Variants in NOX4 observed in about 807,000 individuals in gnomAD.
The protein encoded by NOX4 is kidney oxidase-1.
In NOX4, 69 loss-of-function variants were observed where a neutral mutation model predicts 87.6. The ratio of observed to expected loss-of-function variants is 0.79; its 90% CI spans 0.65 to 0.96. The LOEUF (loss-of-function observed/expected upper bound fraction) is 0.96. Ranked by LOEUF, NOX4 falls within the 40% of genes least tolerant of loss-of-function variation. NOX4 has a pLI of 0.00. For synonymous variants in NOX4, 275 were observed against 238.2 expected, an observed-to-expected ratio of 1.15 and a Z score of -1.42; for missense variants, 680 against 681.5, an observed-to-expected ratio of 1.00 and a Z score of 0.02.
intron 7 of NOX4, among the ~76,000 whole-genome samples, chr11:89,426,504 A>G (rs1274033825): frequency 1.3e-5 from 2 of 152,152 alleles, no homozygotes; most frequent in East Asian, 3.9e-4. Context: ...GGCACCTGGA[A>G]AATTGGGTCA....
intron 11 of NOX4, among the ~76,000 whole-genome samples, chr11:89,387,120 C>A (rs1385697133): frequency 1.9e-4 from 29 of 152,042 alleles, no homozygotes; most frequent in Admixed American, 1.6e-3. Context: ...ATACCACCCC[C>A]AAAAATTTTC....
chr11:89,325,411 A>C lies in NOX4; in HGVS notation c.*1345T>G, dbSNP rs764720634. On this transcript the variant is annotated 3_prime_UTR_variant, in exon 18 of 18. Coordinates refer to ENST00000263317, the MANE Select transcript of NOX4 (RefSeq NM_016931.5). ...GCCGGGATTACAGGCGTGAGCCATG[A>C]ATGCCTTAATTCTTAAGATAGTAAT... 1 of 152,038 alleles carries C rather than the reference A, an allele frequency of 6.6e-6. No individual in the cohort carries two copies. Among genetic ancestry groups the C allele is most frequent in the Non-Finnish European group, 1.5e-5 (1 of 68,024 alleles). The allele number at this position is 152,038 out of a possible 1,614,324, so 9.4% of individuals were successfully genotyped here.
chr11:89,512,440 C>T, the NOX4 span, among the ~76,000 whole-genome samples: 17 of 152,040 alleles, frequency 1.1e-4, no homozygotes, highest in Non-Finnish European at 1.5e-4. Flanking sequence ...CTCCCTCACT[C>T]TAGACCCTGA....
intron 2 of NOX4, among the ~76,000 whole-genome samples, chr11:89,457,288 C>T (rs1271115399): frequency 1.3e-5 from 2 of 152,178 alleles, no homozygotes; most frequent in African/African-American, 4.8e-5. Flanking sequence ...GCCCTGTTAC[C>T]CTTCCACCAA....
At chr11:89,491,128 G>C (rs1014709524) in intron 1 of NOX4, 62 bp downstream of exon 1, 14 of 1,506,888 alleles carry the variant, frequency 9.3e-6, no homozygotes, top group Admixed American at 3.5e-5. Context: ...CACGCTCAGA[G>C]AATGAATCAA....
At chr11:89,513,287 T>A in the NOX4 span, among the ~76,000 whole-genome samples, 4 of 151,268 alleles carry the variant, frequency 2.6e-5, no homozygotes, top group Non-Finnish European at 5.9e-5. Context: ...GCCATTGTAC[T>A]CCAGCCTGGG....
chr11:89,424,631 T>C (rs1445230643), intron 7 of NOX4, among the ~76,000 whole-genome samples: 1 of 151,984 alleles, frequency 6.6e-6, no homozygotes, highest in Non-Finnish European at 1.5e-5. Flanking sequence ...TTATTTACTC[T>C]GATTATTTTA....
chr11:89,398,322 T>C (rs1276616907), intron 11 of NOX4, among the ~76,000 whole-genome samples: 1 of 152,004 alleles, frequency 6.6e-6, no homozygotes, highest in Non-Finnish European at 1.5e-5. Flanking sequence ...TATCTCAAAA[T>C]AATAAGAGCT....
Position 89,387,724 on chromosome 11 carries a change from C to T in NOX4, c.1074+12293G>A, listed in dbSNP as rs182461356. Among the ~76,000 whole-genome samples, 32 of 151,720 alleles carry T rather than the reference C, an allele frequency of 2.1e-4. No homozygotes were observed. In the South Asian group the frequency reaches 2.7e-3, roughly 13 times the overall value. On this transcript the variant is annotated intron_variant, in intron 11 of 17. Transcript: ENST00000263317. ...TACCTCAGCTAAATATGAAAAGATGCTACATTTTGTAGGAAGCACTAGGTT... is the reference window on the plus strand; with the variant it reads ...TACCTCAGCTAAATATGAAAAGATGTTACATTTTGTAGGAAGCACTAGGTT...
At chr11:89,347,219 T>C (rs950618633) in intron 13 of NOX4, among the ~76,000 whole-genome samples, 1 of 152,308 alleles carries the variant, frequency 6.6e-6, no homozygotes, top group East Asian at 1.9e-4. Context: ...GGGAAAGGGC[T>C]CCTTCCTGAC....
chr11:89,540,657 G>A, the NOX4 span, among the ~76,000 whole-genome samples: 11 of 151,092 alleles, frequency 7.3e-5, no homozygotes, highest in South Asian at 2.1e-4. Context: ...GCATGGTGGC[G>A]GGCACCTGTA....
the NOX4 span, among the ~76,000 whole-genome samples, chr11:89,517,993 C>CA: frequency 6.6e-6 from 1 of 151,828 alleles, no homozygotes; most frequent in Admixed American, 6.6e-5. Context: ...AAAGCAATTT[C>CA]AAAAAAGCAT....
At chr11:89,346,174 CTTACAAT>C (rs1403982367) in intron 13 of NOX4, among the ~76,000 whole-genome samples, 11 of 151,968 alleles carry the variant, frequency 7.2e-5, no homozygotes, top group Admixed American at 4.6e-4. Context: ...CTCAAGCCCA[CTTACAAT>C]AATTTGTAAT....
At chr11:89,532,541 C>T in the NOX4 span, among the ~76,000 whole-genome samples, 1 of 152,152 alleles carries the variant, frequency 6.6e-6, no homozygotes, top group Non-Finnish European at 1.5e-5. Flanking sequence ...TTTGATTTTA[C>T]AGGTTCATAG....
At chr11:89,587,200 T>A in the NOX4 span, among the ~76,000 whole-genome samples, 1 of 151,452 alleles carries the variant, frequency 6.6e-6, no homozygotes, top group African/African-American at 2.4e-5. Flanking sequence ...ATTGTGAGAG[T>A]TTAATATATT....
chr11:89,387,262 C>A (rs1439729511), intron 11 of NOX4, among the ~76,000 whole-genome samples: 2 of 152,074 alleles, frequency 1.3e-5, no homozygotes, highest in Admixed American at 6.6e-5. Flanking sequence ...GAGTCACAGA[C>A]TAAGTGAAAA....
At chr11:89,561,085 A>ATATC in the NOX4 span, among the ~76,000 whole-genome samples, 5 of 120,586 alleles carry the variant, frequency 4.1e-5, no homozygotes, top group Admixed American at 8.5e-5. Context: ...ATATATATAT[A>ATATC]TCCTATCAGT....
chr11:89,524,170 A>G, the NOX4 span, among the ~76,000 whole-genome samples: 3 of 152,222 alleles, frequency 2.0e-5, no homozygotes, highest in Non-Finnish European at 4.4e-5. Flanking sequence ...AAGAAAGTCC[A>G]TTATAAAACA....
chr11:89,355,276 T>A (rs1258423859), intron 12 of NOX4, among the ~76,000 whole-genome samples: 2 of 148,894 alleles, frequency 1.3e-5, no homozygotes, highest in East Asian at 3.9e-4. Context: ...TAAATATATA[T>A]GTAGCCATTA....
Sources: allele counts gnomAD v4.1 joint callset (sites outside exome capture counted in the v4.1 genomes callset), GRCh38; gene constraint gnomAD v4.1.1; transcripts MANE v1.5; gene names NCBI Gene and HGNC (gene_info 2026-07-23, HGNC 2026-07-21).